Variants in RGS8 observed in about 807,000 individuals in gnomAD.
The protein encoded by RGS8 is regulator of G-protein signaling 8.
In RGS8, 8 loss-of-function variants were observed where a neutral mutation model predicts 21.7. The ratio of observed to expected loss-of-function variants is 0.37; its 90% CI spans 0.22 to 0.66. RGS8 has a LOEUF of 0.66. RGS8 is among the 30% of genes least tolerant of loss of function. The pLI is 0.59. For missense variants in RGS8, 157 were observed against 217.9 expected (o/e 0.72, Z 1.76); for synonymous variants, 80 against 83.6 (o/e 0.96, Z 0.24).
the RGS8 span, among the ~76,000 whole-genome samples, chr1:182,729,550 CTT>C: frequency 6.6e-6 from 1 of 152,118 alleles, no homozygotes; most frequent in Non-Finnish European, 1.5e-5. Context: ...ATGTGAATGA[CTT>C]TAAAAAACAA....
intron 1 of RGS8, among the ~76,000 whole-genome samples, chr1:182,680,704 A>T (rs76259820): frequency 0.052 from 7,932 of 152,266 alleles, 272 homozygotes; most frequent in African/African-American, 0.097. Context: ...GGTACATTAC[A>T]TTCCCTATGT....
intron 1 of RGS8, among the ~76,000 whole-genome samples, chr1:182,683,630 A>G (rs1026564372): frequency 2.2e-5 from 3 of 135,852 alleles, no homozygotes; most frequent in Non-Finnish European, 4.8e-5. Flanking sequence ...CAGTGCTCAA[A>G]AAAAAAAAAA....
intron 3 of RGS8, among the ~76,000 whole-genome samples, chr1:182,668,789 C>T (rs759579162): frequency 4.6e-5 from 7 of 152,248 alleles, no homozygotes; most frequent in Non-Finnish European, 7.3e-5. Context: ...TCTACTCGCG[C>T]TTGCAAATCG....
intron 5 of RGS8, among the ~76,000 whole-genome samples, chr1:182,665,004 G>T (rs761706716): frequency 6.6e-6 from 1 of 152,192 alleles, no homozygotes; most frequent in Non-Finnish European, 1.5e-5. Context: ...AATCAAGAAC[G>T]CAGGTCTGAC....
upstream of RGS8, among the ~76,000 whole-genome samples, chr1:182,677,070 CA>C (rs1044862846): frequency 1.3e-5 from 2 of 150,460 alleles, no homozygotes; most frequent in Admixed American, 6.6e-5. Flanking sequence ...ATGAAAAAAA[CA>C]AAAAAAAAGT....
intron 3 of RGS8, 27 bp from the exon 5 acceptor site, chr1:182,667,000 C>A (rs369564449): frequency 6.4e-7 from 1 of 1,564,838 alleles, no homozygotes; most frequent in Admixed American, 1.7e-5. Context: ...GGCAGAAGGA[C>A]GGGGAAACTC....
At chr1:182,752,290 G>A in the RGS8 span, among the ~76,000 whole-genome samples, 1 of 152,158 alleles carries the variant, frequency 6.6e-6, no homozygotes, top group Non-Finnish European at 1.5e-5. Flanking sequence ...CACATCAACC[G>A]GTCCTGCTCC....
the RGS8 span, among the ~76,000 whole-genome samples, chr1:182,698,001 G>A: frequency 6.6e-6 from 1 of 152,160 alleles, no homozygotes; most frequent in African/African-American, 2.4e-5. Context: ...GACTTAGAGG[G>A]AATACTAGCA....
the RGS8 span, among the ~76,000 whole-genome samples, chr1:182,752,005 C>T: frequency 6.6e-6 from 1 of 152,318 alleles, no homozygotes; most frequent in Non-Finnish European, 1.5e-5. Flanking sequence ...TACACCCAGA[C>T]AATCCATTCA....
At chr1:182,671,244 A>T (rs1009442297) in intron 2 of RGS8, among the ~76,000 whole-genome samples, 3 of 152,200 alleles carry the variant, frequency 2.0e-5, no homozygotes, top group African/African-American at 4.8e-5. Context: ...CACAGATGCC[A>T]ATAAATAAGA....
At chr1:182,720,892 C>T in the RGS8 span, among the ~76,000 whole-genome samples, 5 of 69,730 alleles carry the variant, frequency 7.2e-5, no homozygotes, top group East Asian at 4.3e-4. Flanking sequence ...TATATATACA[C>T]ATATATATAC....
intron 3 of RGS8, 104 bp from the exon 5 acceptor site, chr1:182,667,077 C>T: frequency 3.5e-6 from 3 of 848,602 alleles, no homozygotes; most frequent in Admixed American, 1.9e-5. Flanking sequence ...CAGCACTGCC[C>T]CCACCCTTCC....
exon 4 of RGS8, chr1:182,666,958 C>T: frequency 6.2e-7 from 1 of 1,613,916 alleles, no homozygotes; most frequent in Admixed American, 1.7e-5. Flanking sequence ...CCAGTCGAGT[C>T]CTCATCCCTT....
intron 5 of RGS8, chr1:182,658,629 GA>G (rs1193174106): frequency 3.3e-5 from 5 of 152,188 alleles, no homozygotes; most frequent in Non-Finnish European, 7.3e-5. Flanking sequence ...TTCATGATGA[GA>G]ATAGCATCAG....
At chr1:182,707,173 C>T in the RGS8 span, among the ~76,000 whole-genome samples, 1 of 152,110 alleles carries the variant, frequency 6.6e-6, no homozygotes, top group Non-Finnish European at 1.5e-5. Context: ...AACAAACAAA[C>T]AAACAAAAAC....
At chr1:182,699,145 A>G in the RGS8 span, among the ~76,000 whole-genome samples, 2 of 152,210 alleles carry the variant, frequency 1.3e-5, no homozygotes, top group Non-Finnish European at 2.9e-5. Context: ...CCGCCTCTCC[A>G]GCTGCTGTAC....
At chr1:182,688,357 G>GCTCTCT (rs57313959), upstream of RGS8, among the ~76,000 whole-genome samples, 1 of 147,278 alleles carries the variant, frequency 6.8e-6, no homozygotes, top group Non-Finnish European at 1.5e-5. Flanking sequence ...TCTCTCGCTC[G>GCTCTCT]CTCTCTCTCT....
intron 5 of RGS8, among the ~76,000 whole-genome samples, chr1:182,662,515 G>A (rs12042523): frequency 1.4e-4 from 22 of 152,278 alleles, no homozygotes; most frequent in African/African-American, 4.8e-4. Context: ...GGTCAAAATC[G>A]AGAACACAGA....
At chr1:182,646,993 A>G (rs1488741177) in intron 6 of RGS8, 76 bp from the exon 8 acceptor site, 1 of 1,192,290 alleles carries the variant, frequency 8.4e-7, no homozygotes, top group Non-Finnish European at 1.2e-6. Flanking sequence ...TAACTATGCA[A>G]TAATTATGAA....
Sources: allele counts gnomAD v4.1 joint callset (sites outside exome capture counted in the v4.1 genomes callset), GRCh38; gene constraint gnomAD v4.1.1; transcripts MANE v1.5; gene names NCBI Gene and HGNC (gene_info 2026-07-23, HGNC 2026-07-21).